Variants in EFL1 observed in about 807,000 individuals in gnomAD.
EFL1 encodes elongation factor-like GTPase 1.
A neutral mutation model predicts 126.7 loss-of-function variants in EFL1; 76 were observed. The observed-to-expected ratio is 0.60, with a 90% CI of 0.50 to 0.73. EFL1 has a LOEUF of 0.73. Ranked by LOEUF, EFL1 falls within the 30% of genes least tolerant of loss-of-function variation. The pLI is 0.00. For missense variants in EFL1, 1,128 were observed against 1,343.2 expected (o/e 0.84, Z 2.50); for synonymous variants, 410 against 448.4 (o/e 0.91, Z 1.08).
At chr15:82,208,997 AAG>A (rs1185606628) in intron 15 of EFL1, among the ~76,000 whole-genome samples, 18 of 152,184 alleles carry the variant, frequency 1.2e-4, no homozygotes, top group African/African-American at 4.1e-4. Flanking sequence ...ACTAGGAAAA[AAG>A]AGAATAAAAT....
intron 18 of EFL1, among the ~76,000 whole-genome samples, chr15:82,140,564 T>C (rs578246921): frequency 4.9e-4 from 74 of 152,314 alleles, no homozygotes; most frequent in African/African-American, 1.8e-3. Context: ...ATTTATAATT[T>C]GTGTGGTTTA....
At chr15:82,206,870 T>C (rs2141287510) in intron 15 of EFL1, among the ~76,000 whole-genome samples, 1 of 152,286 alleles carries the variant, frequency 6.6e-6, no homozygotes, top group East Asian at 1.9e-4. Flanking sequence ...CATCCCCTAA[T>C]TTGTGATTTG....
At chr15:82,253,562 A>C (rs956242131) in intron 3 of EFL1, among the ~76,000 whole-genome samples, 1 of 152,194 alleles carries the variant, frequency 6.6e-6, no homozygotes, top group South Asian at 2.1e-4. Flanking sequence ...AATTCTTTCT[A>C]AACATCAATA....
intron 15 of EFL1, among the ~76,000 whole-genome samples, chr15:82,165,881 T>G (rs2074074714): frequency 6.6e-6 from 1 of 152,230 alleles, no homozygotes; most frequent in Non-Finnish European, 1.5e-5. Flanking sequence ...GTTTCTAGGA[T>G]GTTAAATTCC....
At chr15:82,212,600 A>G (rs1222388737) in intron 15 of EFL1, among the ~76,000 whole-genome samples, 1 of 152,254 alleles carries the variant, frequency 6.6e-6, no homozygotes, top group African/African-American at 2.4e-5. Flanking sequence ...TACACTCAAA[A>G]TCCTTCTGGT....
chr15:82,156,310 C>CA (rs1367708424), intron 17 of EFL1, among the ~76,000 whole-genome samples: 3 of 151,962 alleles, frequency 2.0e-5, no homozygotes, highest in Admixed American at 6.6e-5. Context: ...TTTTTTGAGA[C>CA]AGAGTCTTGC....
intron 18 of EFL1, among the ~76,000 whole-genome samples, chr15:82,139,614 C>T (rs1021571255): frequency 6.6e-6 from 1 of 152,222 alleles, no homozygotes; most frequent in Non-Finnish European, 1.5e-5. Context: ...GTAAGGAGAA[C>T]AGACCCTGCA....
intron 7 of EFL1, 24 bp from the exon 8 acceptor site, chr15:82,230,995 GTTATT>G (rs2074816803): frequency 2.5e-6 from 4 of 1,605,548 alleles, no homozygotes; most frequent in Middle Eastern, 1.7e-4. Flanking sequence ...AAATGTTCAT[GTTATT>G]AATAACAACG....
chr15:82,183,277 G>C (rs2074271081), intron 15 of EFL1, among the ~76,000 whole-genome samples: 1 of 152,188 alleles, frequency 6.6e-6, no homozygotes, highest in Non-Finnish European at 1.5e-5. Flanking sequence ...CTCAAACAAA[G>C]CATTGCATAT....
intron 14 of EFL1, among the ~76,000 whole-genome samples, chr15:82,216,800 G>A (rs1389161790): frequency 6.6e-6 from 1 of 151,952 alleles, no homozygotes; most frequent in African/African-American, 2.4e-5. Flanking sequence ...GATACAAAAA[G>A]CAAAACCCAT....
At chr15:82,225,082 G>GA in intron 12 of EFL1, 83 bp downstream of exon 12, 1 of 996,674 alleles carries the variant, frequency 1.0e-6, no homozygotes, top group Non-Finnish European at 1.5e-6. Flanking sequence ...CATTATCCGT[G>GA]CCCCCCCTAC....
At chr15:82,219,907 T>C in intron 13 of EFL1, 89 bp from the exon 14 acceptor site, 2 of 1,500,192 alleles carry the variant, frequency 1.3e-6, no homozygotes, top group South Asian at 1.3e-5. Flanking sequence ...GAATATGATA[T>C]CTTTCGTCAA....
chr15:82,193,371 C>G (rs1473810663), intron 15 of EFL1, among the ~76,000 whole-genome samples: 2 of 152,162 alleles, frequency 1.3e-5, no homozygotes, highest in African/African-American at 4.8e-5. Flanking sequence ...TACCTCAACT[C>G]AATTCATGCA....
intron 14 of EFL1, 93 bp downstream of exon 14, chr15:82,219,559 C>G: frequency 7.3e-7 from 1 of 1,377,268 alleles, no homozygotes; most frequent in Non-Finnish European, 9.8e-7. Flanking sequence ...CAAACTAAAT[C>G]TACCAACAAG....
At position 82,231,601 on chromosome 15, in the gene EFL1, C is replaced by T. The variant is rs2074822851; in HGVS notation, c.732-630G>A. Among the ~76,000 whole-genome samples the T allele has an allele frequency of 2.6e-5, 4 of 151,878 alleles. No individual in the cohort carries two copies. The Middle Eastern group carries it at 0.014, about 517-fold the overall frequency. On this transcript the variant is annotated intron_variant, in intron 7 of 19. Transcript: ENST00000268206. Reference sequence around the variant, plus strand: ...AAATACCTTTTCTTTAGAGAACAATCTAGTTTAAGGTTTGAGATTAGAATT... The same window carrying T: ...AAATACCTTTTCTTTAGAGAACAATTTAGTTTAAGGTTTGAGATTAGAATT...
intron 15 of EFL1, among the ~76,000 whole-genome samples, chr15:82,168,419 T>C (rs548031143): frequency 2.0e-5 from 3 of 152,326 alleles, no homozygotes; most frequent in South Asian, 2.1e-4. Context: ...CTTGGTGTTA[T>C]AGTAGGCCTT....
intron 4 of EFL1, among the ~76,000 whole-genome samples, chr15:82,244,515 TCTG>T (rs2074953624): frequency 6.6e-6 from 1 of 152,178 alleles, no homozygotes; most frequent in African/African-American, 2.4e-5. Flanking sequence ...GACAGAAACT[TCTG>T]CTGCTTTACT....
intron 15 of EFL1, among the ~76,000 whole-genome samples, chr15:82,200,374 G>C (rs951005249): frequency 6.6e-6 from 1 of 152,100 alleles, no homozygotes; most frequent in African/African-American, 2.4e-5. Flanking sequence ...ACAACTTTAG[G>C]CAGAGGCAAT....
rs565186712 is a variant in EFL1, at chr15:82,154,868, C to G, written c.2031-2445G>C. Among the ~76,000 whole-genome samples, 56 of 152,252 alleles carry G rather than the reference C, an allele frequency of 3.7e-4. No homozygotes were observed. In the South Asian group the frequency reaches 0.011, roughly 30 times the overall value. ...CCTCGAGCTCCTGGGCTCAAGCAACCCTCTTGCCTCAGCTTCCTGAGTATC... is the reference window on the plus strand; with the variant it reads ...CCTCGAGCTCCTGGGCTCAAGCAACGCTCTTGCCTCAGCTTCCTGAGTATC... On this transcript the variant is annotated intron_variant, in intron 17 of 19. Transcript: ENST00000268206.
Sources: gnomAD v4.1 joint callset for allele counts (sites outside exome capture counted in the v4.1 genomes callset) on GRCh38, gnomAD v4.1.1 for gene constraint, MANE v1.5 for transcripts, NCBI Gene and HGNC (gene_info 2026-07-23, HGNC 2026-07-21) for gene names.